The following LINGO2 variants were observed in gnomAD, a reference collection of about 807,000 sequenced individuals.
LINGO2 encodes leucine rich repeat and Ig domain containing 2.
A neutral mutation model predicts 30.6 loss-of-function variants in LINGO2; 14 were observed. That is an observed-to-expected ratio of 0.46 (90% CI 0.30 to 0.72). The LOEUF (loss-of-function observed/expected upper bound fraction) is 0.72, where lower values mean the gene tolerates loss of function less well. Ranked by LOEUF, LINGO2 falls within the 30% of genes least tolerant of loss-of-function variation. The pLI, the probability that LINGO2 is intolerant of heterozygous loss-of-function variation, is 0.07. For missense variants in LINGO2, 729 were observed against 751.7 expected (o/e 0.97, Z 0.35); for synonymous variants, 317 against 288.5 (o/e 1.10, Z -1.00).
intron 5 of LINGO2, among the ~76,000 whole-genome samples, chr9:27,992,688 A>G (rs1364834727): frequency 6.6e-6 from 1 of 152,116 alleles, no homozygotes; most frequent in Admixed American, 6.6e-5. Context: ...ATTAGGAAGC[A>G]ATGAGGGAAA....
the LINGO2 span, among the ~76,000 whole-genome samples, chr9:28,729,387 T>C: frequency 3.9e-5 from 6 of 152,032 alleles, no homozygotes; most frequent in Non-Finnish European, 7.4e-5. Context: ...AAAATTTTCT[T>C]ACATGAAAGA....
intron 2 of LINGO2, among the ~76,000 whole-genome samples, chr9:28,460,855 A>T (rs932312811): frequency 2.0e-5 from 3 of 152,006 alleles, no homozygotes; most frequent in Non-Finnish European, 4.4e-5. Context: ...GGTGAAGAAA[A>T]GGTAAGTGAG....
intron 4 of LINGO2, among the ~76,000 whole-genome samples, chr9:28,254,414 T>C (rs4548272): frequency 0.12 from 17,933 of 152,104 alleles, 1,369 homozygotes; most frequent in Middle Eastern, 0.25. Context: ...TAATATACAA[T>C]ATCACATTTT....
rs201897213 is a variant in LINGO2, at chr9:28,171,623, C to CCAAA, written c.-87+123584_-87+123585insTTTG. Among the ~76,000 whole-genome samples, 928 of 152,222 alleles carry CCAAA rather than the reference C, an allele frequency of 6.1e-3. 11 individuals carry two copies. The highest frequency in any genetic ancestry group is 0.021 in the African/African-American group (860 of 41,532). On this transcript the variant is annotated intron_variant, in intron 4 of 5. Coordinates refer to ENST00000379992, the Ensembl canonical transcript of LINGO2. ...TAAATATGTATTGGGACTTTAGCTA[C>CCAAA]CAATGTATCTTTTTTTCACCAAAAT...
At chr9:29,053,792 A>C in the LINGO2 span, among the ~76,000 whole-genome samples, 1 of 152,102 alleles carries the variant, frequency 6.6e-6, no homozygotes, top group African/African-American at 2.4e-5. Flanking sequence ...TTAATACATA[A>C]TGAAATTTGT....
the LINGO2 span, among the ~76,000 whole-genome samples, chr9:28,824,920 T>C: frequency 0.44 from 67,016 of 151,934 alleles, 14,910 homozygotes; most frequent in East Asian, 0.51. Context: ...TTCTTTTCTT[T>C]AGTTTTCAAA....
chr9:28,631,847 A>G (rs1304456589), intron 1 of LINGO2, among the ~76,000 whole-genome samples: 6 of 152,172 alleles, frequency 3.9e-5, no homozygotes, highest in Non-Finnish European at 8.8e-5. Context: ...GTGGTATCAC[A>G]TGAAATAGAA....
chr9:28,550,713 T>G (rs1217908974), intron 1 of LINGO2, among the ~76,000 whole-genome samples: 1 of 151,726 alleles, frequency 6.6e-6, no homozygotes, highest in Non-Finnish European at 1.5e-5. Flanking sequence ...TTTGCTTTCA[T>G]AAAATAGAAT....
intron 1 of LINGO2, among the ~76,000 whole-genome samples, chr9:28,561,000 T>G: frequency 6.6e-6 from 1 of 152,046 alleles, no homozygotes; most frequent in East Asian, 1.9e-4. Flanking sequence ...AACATATAAG[T>G]TTTGTGTAAA....
chr9:29,198,180 A>C, the LINGO2 span, among the ~76,000 whole-genome samples: 1 of 152,150 alleles, frequency 6.6e-6, no homozygotes, highest in Non-Finnish European at 1.5e-5. Flanking sequence ...ACAAGATGTT[A>C]AAAGGAGGCA....
At chr9:28,925,131 C>T in the LINGO2 span, among the ~76,000 whole-genome samples, 1 of 152,126 alleles carries the variant, frequency 6.6e-6, no homozygotes, top group African/African-American at 2.4e-5. Flanking sequence ...CATTGTACCC[C>T]ATAAGTATAT....
At chr9:27,979,528 TAATAA>T (rs1321445240) in intron 5 of LINGO2, among the ~76,000 whole-genome samples, 1 of 152,004 alleles carries the variant, frequency 6.6e-6, no homozygotes, top group Non-Finnish European at 1.5e-5. Context: ...ATACACATTT[TAATAA>T]AATAGTTTTT....
At chr9:28,642,417 G>T (rs1021023539) in intron 1 of LINGO2, among the ~76,000 whole-genome samples, 6 of 151,920 alleles carry the variant, frequency 3.9e-5, no homozygotes, top group African/African-American at 1.5e-4. Flanking sequence ...ACATTTCGAG[G>T]ATCAAAAATA....
chr9:28,461,329 C>T (rs1442780006), intron 2 of LINGO2, among the ~76,000 whole-genome samples: 2 of 152,142 alleles, frequency 1.3e-5, no homozygotes, highest in African/African-American at 4.8e-5. Flanking sequence ...TGCTCTCTCC[C>T]TACCATTCAT....
intron 2 of LINGO2, among the ~76,000 whole-genome samples, chr9:28,470,604 A>AT (rs781514255): frequency 3.3e-5 from 5 of 152,126 alleles, no homozygotes; most frequent in African/African-American, 4.8e-5. Context: ...GGCTGAACAA[A>AT]TAATTAGTTT....
intron 1 of LINGO2, among the ~76,000 whole-genome samples, chr9:28,608,656 G>A (rs1825790355): frequency 6.6e-6 from 1 of 151,816 alleles, no homozygotes; most frequent in African/African-American, 2.4e-5. Flanking sequence ...TATTATTGTA[G>A]GGTAGGTCTT....
chr9:28,458,244 T>C (rs183309956), intron 2 of LINGO2, among the ~76,000 whole-genome samples: 1 of 152,300 alleles, frequency 6.6e-6, no homozygotes, highest in Non-Finnish European at 1.5e-5. Flanking sequence ...TTATATTTTC[T>C]TTTTACCTAA....
At chr9:28,076,738 T>C (rs1587815621) in intron 4 of LINGO2, among the ~76,000 whole-genome samples, 2 of 152,268 alleles carry the variant, frequency 1.3e-5, no homozygotes, top group East Asian at 3.9e-4. Flanking sequence ...TTTCAAATTT[T>C]TGATTGTCAG....
At chr9:29,152,048 C>G in the LINGO2 span, among the ~76,000 whole-genome samples, 1 of 152,028 alleles carries the variant, frequency 6.6e-6, no homozygotes, top group African/African-American at 2.4e-5. Flanking sequence ...AAGTGGCCAA[C>G]AAACATATGA....
Sources: gnomAD v4.1 joint callset for allele counts (sites outside exome capture counted in the v4.1 genomes callset) on GRCh38, gnomAD v4.1.1 for gene constraint, MANE v1.5 for transcripts, NCBI Gene and HGNC (gene_info 2026-07-23, HGNC 2026-07-21) for gene names.